COL22A1: variants seen among roughly 807,000 people sequenced by gnomAD.
The protein encoded by COL22A1 is collagen alpha-1(XXII) chain.
Under a neutral mutation model 248.9 loss-of-function variants are expected in COL22A1, and 221 were observed. The observed-to-expected ratio is 0.89, with a 90% CI of 0.80 to 0.99. The LOEUF (loss-of-function observed/expected upper bound fraction) is 0.99, where lower values mean the gene tolerates loss of function less well. Among genes scored for constraint, COL22A1 ranks in the 50% least tolerant of loss-of-function variants. The pLI is 0.00. For synonymous variants in COL22A1, 891 were observed against 793.4 expected, an observed-to-expected ratio of 1.12 and a Z score of -2.07; for missense variants, 2,240 against 2,179.0, an observed-to-expected ratio of 1.03 and a Z score of -0.56.
intron 35 of COL22A1, among the ~76,000 whole-genome samples, chr8:138,692,262 G>GGAGGTGTGTGTGTGTACGTGTGTA (rs1564201708): frequency 1.4e-5 from 2 of 143,596 alleles, no homozygotes; most frequent in Non-Finnish European, 1.5e-5. Context: ...GTGTGCGTGT[G>GGAGGTGTGTGTGTGTACGTGTGTA]TGCATGTTTG....
chr8:138,771,770 T>C (rs1003849949), intron 16 of COL22A1, among the ~76,000 whole-genome samples: 1 of 152,186 alleles, frequency 6.6e-6, no homozygotes, highest in Non-Finnish European at 1.5e-5. Context: ...GACATTAATA[T>C]TTCCATCCTG....
At chr8:138,643,512 T>C (rs1187562896) in intron 47 of COL22A1, among the ~76,000 whole-genome samples, 1 of 152,104 alleles carries the variant, frequency 6.6e-6, no homozygotes, top group East Asian at 1.9e-4. Flanking sequence ...CAACACCCTT[T>C]TCCAGGGCTG....
chr8:138,787,545 G>A (rs1414078117), intron 12 of COL22A1, among the ~76,000 whole-genome samples: 3 of 152,170 alleles, frequency 2.0e-5, no homozygotes, highest in African/African-American at 7.2e-5. Flanking sequence ...TTCAAAACAA[G>A]CATCAGATAC....
intron 37 of COL22A1, among the ~76,000 whole-genome samples, chr8:138,688,177 GTT>G (rs33968286): frequency 0.53 from 78,119 of 147,910 alleles, 21,181 homozygotes; most frequent in East Asian, 0.76. Flanking sequence ...TGGCCTCTGG[GTT>G]TTTTTTTTTT....
chr8:138,607,149 G>A (rs4909810), intron 57 of COL22A1, among the ~76,000 whole-genome samples: 148,806 of 152,264 alleles, frequency 0.98, 72,851 homozygotes, highest in Non-Finnish European at 1. Context: ...GGATTTTCCA[G>A]TTGGGAAAGT....
At chr8:138,906,294 C>T (rs765590152) in intron 1 of COL22A1, among the ~76,000 whole-genome samples, 33 of 151,256 alleles carry the variant, frequency 2.2e-4, no homozygotes, top group African/African-American at 3.9e-4. Context: ...GGCGTGAACC[C>T]GGGAGGCGGA....
chr8:138,803,529 T>A (rs1459059461), intron 10 of COL22A1, among the ~76,000 whole-genome samples: 4 of 151,568 alleles, frequency 2.6e-5, no homozygotes, highest in South Asian at 2.1e-4. Flanking sequence ...AATAAAAAAA[T>A]AAAATAAAAT....
chr8:138,679,581 G>T, intron 40 of COL22A1, 36 bp downstream of exon 40: 2 of 1,588,820 alleles, frequency 1.3e-6, no homozygotes, highest in Non-Finnish European at 1.7e-6. Flanking sequence ...TTGTCCTTCT[G>T]TCTTTTTGCA....
intron 62 of COL22A1, among the ~76,000 whole-genome samples, chr8:138,596,530 T>C (rs1387335580): frequency 6.6e-6 from 1 of 152,234 alleles, no homozygotes; most frequent in African/African-American, 2.4e-5. Flanking sequence ...TCTTGTCTAT[T>C]TGTTTATCTA....
chr8:138,724,439 C>T (rs1204399649), intron 25 of COL22A1, among the ~76,000 whole-genome samples, 176 bp downstream of exon 25: 1 of 152,170 alleles, frequency 6.6e-6, no homozygotes, highest in Non-Finnish European at 1.5e-5. Context: ...GGCACTAGCA[C>T]GAGTGAGCCA....
chr8:138,823,283 C>G (rs756225856), intron 6 of COL22A1, among the ~76,000 whole-genome samples: 1 of 152,156 alleles, frequency 6.6e-6, no homozygotes, highest in African/African-American at 2.4e-5. Context: ...TTGCCAGGCA[C>G]TGTTCTAAAT....
At chr8:138,693,776 G>A (rs977418494) in intron 34 of COL22A1, 77 bp from the exon 35 acceptor site, 13 of 1,441,710 alleles carry the variant, frequency 9.0e-6, no homozygotes, top group Admixed American at 3.9e-5. Context: ...GGGAGGTCTC[G>A]GGAATACCGT....
chr8:138,613,112 G>A (rs1266132453), intron 56 of COL22A1, among the ~76,000 whole-genome samples: 1 of 152,044 alleles, frequency 6.6e-6, no homozygotes. Context: ...GCCGGGCGTG[G>A]TGGTGGGCAC....
intron 46 of COL22A1, among the ~76,000 whole-genome samples, chr8:138,647,787 A>G (rs990171771): frequency 7.9e-5 from 12 of 152,178 alleles, no homozygotes; most frequent in African/African-American, 2.9e-4. Flanking sequence ...TAGTAAACAC[A>G]CAGAATACAA....
intron 18 of COL22A1, among the ~76,000 whole-genome samples, chr8:138,758,908 C>T (rs925823941): frequency 1.3e-5 from 2 of 152,146 alleles, no homozygotes; most frequent in African/African-American, 4.8e-5. Flanking sequence ...TTATAACACC[C>T]ACACATAGGC....
rs372048101 is a variant in COL22A1 at position 138,722,889 on chromosome 8, G to A, written c.2248-800C>T. 2.2e-5 allele frequency among the ~76,000 whole-genome samples: 3 copies of A among 134,202 alleles called. No individual in the cohort carries two copies. In the East Asian group the frequency reaches 6.8e-4, roughly 30 times the overall value. 88.0% of individuals were successfully genotyped at this position (134,202 alleles called of 152,430 possible). On this transcript the variant is annotated intron_variant, in intron 25 of 64. Coordinates refer to ENST00000303045, the MANE Select transcript of COL22A1 (RefSeq NM_152888.3). ...TGGAAAACACACCCTGGGGCCTGTT[G>A]GGGTGTGGAGGGAGGTGTGCAGGGG... is the stretch of plus-strand genomic sequence containing the variant.
chr8:138,842,998 C>G (rs1820998106), intron 4 of COL22A1, among the ~76,000 whole-genome samples: 1 of 152,148 alleles, frequency 6.6e-6, no homozygotes, highest in South Asian at 2.1e-4. Flanking sequence ...TGGATGACTG[C>G]CCCTAGGAAA....
At chr8:138,814,644 G>A (rs1818524208) in intron 7 of COL22A1, among the ~76,000 whole-genome samples, 1 of 152,166 alleles carries the variant, frequency 6.6e-6, no homozygotes, top group Non-Finnish European at 1.5e-5. Context: ...CCTTATTTGA[G>A]CTTTGAGATG....
chr8:138,614,953 C>T (rs576858234), intron 55 of COL22A1, among the ~76,000 whole-genome samples: 2 of 152,336 alleles, frequency 1.3e-5, no homozygotes, highest in Non-Finnish European at 2.9e-5. Flanking sequence ...TAAAGGCAGG[C>T]TCTGAAGGAC....
Sources: gnomAD v4.1 joint callset for allele counts (sites outside exome capture counted in the v4.1 genomes callset) on GRCh38, gnomAD v4.1.1 for gene constraint, MANE v1.5 for transcripts, NCBI Gene and HGNC (gene_info 2026-07-23, HGNC 2026-07-21) for gene names.